GRIN2A: variants seen among roughly 807,000 people sequenced by gnomAD.
The protein encoded by GRIN2A is glutamate ionotropic receptor NMDA type subunit 2A.
Under a neutral mutation model 113.4 loss-of-function variants are expected in GRIN2A, and 22 were observed. The ratio of observed to expected loss-of-function variants is 0.19; its 90% CI spans 0.14 to 0.28. GRIN2A has a LOEUF of 0.28. Ranked by LOEUF, GRIN2A falls within the 10% of genes least tolerant of loss-of-function variation. GRIN2A has a pLI of 1.00. For missense variants in GRIN2A, 1,502 were observed against 1,887.0 expected (o/e 0.80, Z 3.78); for synonymous variants, 827 against 738.4 (o/e 1.12, Z -1.94).
rs181385491 is a variant in GRIN2A, at chr16:10,039,728, C to G, written c.415-101177G>C. Among the ~76,000 whole-genome samples, 13 of 147,064 alleles carry G rather than the reference C, an allele frequency of 8.8e-5. 1 individual carries two copies. The highest frequency in any genetic ancestry group is 6.1e-4 in the Admixed American group (9 of 14,670). ...CAGGTGCTGGGCAGAAGCCCCCTCC[C>G]TCCCTCAGCAATGAGGAGCCTGAGC... On this transcript the variant is annotated intron_variant, in intron 2 of 12. Transcript: ENST00000330684.
chr16:9,909,127 C>A (rs11866892), intron 3 of GRIN2A, among the ~76,000 whole-genome samples: 1 of 152,064 alleles, frequency 6.6e-6, no homozygotes, highest in East Asian at 1.9e-4. Context: ...GCAAGGAGGA[C>A]CAAGTCATGT....
At chr16:10,038,009 C>T (rs1452165383) in intron 2 of GRIN2A, among the ~76,000 whole-genome samples, 1 of 152,168 alleles carries the variant, frequency 6.6e-6, no homozygotes, top group Non-Finnish European at 1.5e-5. Context: ...CATCATAATC[C>T]CCTGGAATGC....
intron 3 of GRIN2A, among the ~76,000 whole-genome samples, chr16:9,892,185 C>T (rs1196225365): frequency 2.6e-5 from 4 of 152,076 alleles, no homozygotes; most frequent in African/African-American, 9.7e-5. Flanking sequence ...GAGCCGAGAT[C>T]GTGCCATTGC....
chr16:9,961,043 C>A (rs2045429552), intron 2 of GRIN2A, among the ~76,000 whole-genome samples: 2 of 152,168 alleles, frequency 1.3e-5, no homozygotes, highest in Non-Finnish European at 2.9e-5. Context: ...GTAAAATACT[C>A]AGCACTATAG....
intron 2 of GRIN2A, among the ~76,000 whole-genome samples, chr16:9,941,470 A>G (rs565920382): frequency 6.6e-6 from 1 of 152,362 alleles, no homozygotes; most frequent in Admixed American, 6.5e-5. Context: ...GGCACAGGCC[A>G]TCTGTGAAAG....
chr16:9,895,511 T>C (rs1315883705), intron 3 of GRIN2A, among the ~76,000 whole-genome samples: 2 of 152,142 alleles, frequency 1.3e-5, no homozygotes, highest in Non-Finnish European at 2.9e-5. Context: ...TTATTTGGAA[T>C]GGAGGCTTGA....
chr16:10,048,933 G>C (rs2047307581), intron 2 of GRIN2A, among the ~76,000 whole-genome samples: 1 of 152,156 alleles, frequency 6.6e-6, no homozygotes, highest in Non-Finnish European at 1.5e-5. Context: ...GTGGAGGAAG[G>C]AGCCGAGGGA....
intron 4 of GRIN2A, among the ~76,000 whole-genome samples, chr16:9,880,228 G>A (rs2043449639): frequency 6.6e-6 from 1 of 152,118 alleles, no homozygotes; most frequent in African/African-American, 2.4e-5. Flanking sequence ...ATATGTCTGA[G>A]GTCAGCTAGG....
chr16:9,883,477 G>C (rs543632884), intron 4 of GRIN2A, among the ~76,000 whole-genome samples: 1 of 152,352 alleles, frequency 6.6e-6, no homozygotes, highest in African/African-American at 2.4e-5. Context: ...GAAAAGGGCA[G>C]ACCCACTTTG....
rs1900423493 is a variant in GRIN2A, at chr16:9,757,916, G to T, written c.*5233C>A. 1 of 224,128 alleles carries T rather than the reference G, an allele frequency of 4.5e-6. No individual in the cohort carries two copies. The highest frequency in any genetic ancestry group is 8.9e-6 in the Non-Finnish European group (1 of 112,260). The allele number at this position is 224,128 out of a possible 1,614,324, so 13.9% of individuals were successfully genotyped here. On this transcript the variant is annotated 3_prime_UTR_variant, in exon 13 of 13. Coordinates refer to ENST00000330684, the MANE Select transcript of GRIN2A (RefSeq NM_001134407.3). Reference sequence around the variant, plus strand: ...AAACAAAAACCAGGGCAGCCTTATGGGGATCTCTGGCTCTTATTCCAGAGC... The same window carrying T: ...AAACAAAAACCAGGGCAGCCTTATGTGGATCTCTGGCTCTTATTCCAGAGC...
chr16:10,049,626 G>A (rs1018444865), intron 2 of GRIN2A, among the ~76,000 whole-genome samples: 1 of 152,120 alleles, frequency 6.6e-6, no homozygotes, highest in African/African-American at 2.4e-5. Flanking sequence ...TGATCCACCC[G>A]CCTTGGCCTC....
At chr16:10,089,470 A>G (rs967346836) in intron 2 of GRIN2A, among the ~76,000 whole-genome samples, 1 of 152,176 alleles carries the variant, frequency 6.6e-6, no homozygotes, top group Non-Finnish European at 1.5e-5. Context: ...CGAGAAGCAT[A>G]TGGTGGGTTC....
chr16:10,164,331 T>A (rs1392083703), intron 2 of GRIN2A, among the ~76,000 whole-genome samples: 1 of 152,238 alleles, frequency 6.6e-6, no homozygotes. Context: ...TATCTGTGCG[T>A]CAGGGAACTT....
intron 2 of GRIN2A, among the ~76,000 whole-genome samples, chr16:10,056,636 A>G (rs574319614): frequency 6.6e-6 from 1 of 152,298 alleles, no homozygotes; most frequent in South Asian, 2.1e-4. Flanking sequence ...CAGTCCAATG[A>G]CTGGTGTCCT....
intron 2 of GRIN2A, among the ~76,000 whole-genome samples, chr16:10,117,534 A>G (rs573452207): frequency 6.6e-6 from 1 of 152,344 alleles, no homozygotes; most frequent in East Asian, 1.9e-4. Flanking sequence ...ATTTGAAAAA[A>G]GAATCTCTTT....
intron 2 of GRIN2A, among the ~76,000 whole-genome samples, chr16:10,033,021 C>T (rs191122008): frequency 2.4e-3 from 366 of 152,254 alleles, no homozygotes; most frequent in South Asian, 0.011. Context: ...CCACAGGTGC[C>T]CCAGCTGGTT....
intron 4 of GRIN2A, among the ~76,000 whole-genome samples, chr16:9,873,901 T>C (rs1346262361): frequency 6.6e-6 from 1 of 152,224 alleles, no homozygotes; most frequent in Non-Finnish European, 1.5e-5. Context: ...GCCAGCACGG[T>C]AGGAATCAAC....
chr16:9,891,180 T>C lies in GRIN2A; in HGVS notation c.1008-80A>G. ...ACAAATAAGTGGATGCCACCATTAA[T>C]GGAATACTGAAAAATTATAAACTTA... On this transcript the variant is annotated intron_variant, in intron 3 of 12. Transcript: ENST00000330684. 4.9e-6 allele frequency: 4 copies of C among 812,330 alleles called. No homozygotes were observed. In the South Asian group the frequency reaches 5.4e-5, roughly 11 times the overall value. 50.3% of individuals were successfully genotyped at this position (812,330 alleles called of 1,614,324 possible).
intron 2 of GRIN2A, among the ~76,000 whole-genome samples, chr16:10,091,578 C>T (rs1032033887): frequency 3.9e-5 from 6 of 151,954 alleles, no homozygotes; most frequent in South Asian, 2.1e-4. Context: ...GCTTGAGCCT[C>T]GGAGGCAGAG....
Sources: gnomAD v4.1 joint callset for allele counts (sites outside exome capture counted in the v4.1 genomes callset) on GRCh38, gnomAD v4.1.1 for gene constraint, MANE v1.5 for transcripts, NCBI Gene and HGNC (gene_info 2026-07-23, HGNC 2026-07-21) for gene names.